BRD10: variants seen among roughly 807,000 people sequenced by gnomAD.
The protein encoded by BRD10 is uncharacterized bromodomain-containing protein 10.
At chr9:5,975,896 AAT>A in the BRD10 span, among the ~76,000 whole-genome samples, 1 of 152,200 alleles carries the variant, frequency 6.6e-6, no homozygotes, top group Non-Finnish European at 1.5e-5. Flanking sequence ...AATCAACAAT[AAT>A]ATATGAGATG....
At chr9:5,947,028 T>TAA in the BRD10 span, among the ~76,000 whole-genome samples, 3 of 152,060 alleles carry the variant, frequency 2.0e-5, no homozygotes, top group Non-Finnish European at 2.9e-5. Context: ...CATTTTGAGA[T>TAA]CTCTTAATTA....
chr9:5,907,234 A>T, the BRD10 span: 7 of 281,884 alleles, frequency 2.5e-5, no homozygotes, highest in South Asian at 2.4e-4. Context: ...GTTGTCACAT[A>T]CCCAGTGTTT....
At chr9:5,979,477 C>A in the BRD10 span, among the ~76,000 whole-genome samples, 2 of 151,518 alleles carry the variant, frequency 1.3e-5, no homozygotes, top group African/African-American at 4.8e-5. Context: ...CACATCATGC[C>A]AGCCTGGGAG....
At chr9:5,935,690 A>AT in the BRD10 span, among the ~76,000 whole-genome samples, 1 of 152,246 alleles carries the variant, frequency 6.6e-6, no homozygotes, top group Non-Finnish European at 1.5e-5. Context: ...TTTATTTGGC[A>AT]TAAGAGGGGC....
chr9:5,910,294 C>A, the BRD10 span: 1 of 152,092 alleles, frequency 6.6e-6, no homozygotes, highest in Non-Finnish European at 1.5e-5. Context: ...TCATTTTCTA[C>A]TAAAGACAAA....
the BRD10 span, chr9:5,944,981 AC>A: frequency 7.7e-7 from 1 of 1,303,434 alleles, no homozygotes; most frequent in African/African-American, 1.5e-5. Context: ...ACACAAAAAC[AC>A]AGCTTGATAA....
chr9:5,897,083 C>A, the BRD10 span, among the ~76,000 whole-genome samples: 2 of 152,196 alleles, frequency 1.3e-5, no homozygotes, highest in South Asian at 4.1e-4. Context: ...ATTGTGTCTA[C>A]CCTCCAGTGT....
At chr9:5,924,810 C>G in the BRD10 span, 1 of 1,536,822 alleles carries the variant, frequency 6.5e-7, no homozygotes, top group Non-Finnish European at 8.8e-7. Flanking sequence ...ATCAGGTTGT[C>G]TTCTGAAATC....
the BRD10 span, chr9:5,922,950 T>A: frequency 3.7e-6 from 6 of 1,613,910 alleles, no homozygotes; most frequent in Non-Finnish European, 2.5e-6. Context: ...GTCACTTTAT[T>A]CCCAATATTC....
chr9:5,988,460 T>C, the BRD10 span: 3 of 1,613,964 alleles, frequency 1.9e-6, no homozygotes, highest in Non-Finnish European at 1.7e-6. Flanking sequence ...CGACGCCTTG[T>C]TGAGGTACAT....
chr9:5,914,705 G>C, the BRD10 span, among the ~76,000 whole-genome samples: 1 of 152,022 alleles, frequency 6.6e-6, no homozygotes, highest in African/African-American at 2.4e-5. Context: ...TTACAGGTGT[G>C]AGCCACTGTG....
the BRD10 span, among the ~76,000 whole-genome samples, chr9:5,979,121 T>C: frequency 6.6e-6 from 1 of 152,330 alleles, no homozygotes; most frequent in Admixed American, 6.5e-5. Context: ...TTTACAAAAA[T>C]AATCACTGGA....
chr9:5,968,745 T>G, the BRD10 span: 1 of 1,613,892 alleles, frequency 6.2e-7, no homozygotes, highest in African/African-American at 1.3e-5. Flanking sequence ...ATGGGTGGAA[T>G]TGGAAATTCT....
chr9:5,896,722 CCT>C, the BRD10 span, among the ~76,000 whole-genome samples: 4 of 152,210 alleles, frequency 2.6e-5, no homozygotes, highest in Middle Eastern at 0.014. Context: ...AGCTCCAGGC[CCT>C]GTTTCCAGGG....
At chr9:5,895,399 T>A in the BRD10 span, among the ~76,000 whole-genome samples, 3 of 151,846 alleles carry the variant, frequency 2.0e-5, no homozygotes, top group African/African-American at 4.8e-5. Flanking sequence ...TTTTTTTTAA[T>A]TTTTTTGCAT....
chr9:5,921,718 T>G, the BRD10 span: 2 of 1,613,950 alleles, frequency 1.2e-6, no homozygotes, highest in South Asian at 2.2e-5. Context: ...CATTGTTTTG[T>G]CCAAAATTTG....
the BRD10 span, among the ~76,000 whole-genome samples, chr9:5,965,326 A>C: frequency 6.6e-6 from 1 of 152,134 alleles, no homozygotes; most frequent in Non-Finnish European, 1.5e-5. Flanking sequence ...TCAAAAAAAA[A>C]ACACTACGTT....
chr9:5,907,412 T>C, the BRD10 span, among the ~76,000 whole-genome samples: 2 of 152,218 alleles, frequency 1.3e-5, no homozygotes, highest in African/African-American at 4.8e-5. Context: ...CTGTGCTGTC[T>C]GATGGCTTAG....
At chr9:5,920,894 G>A in the BRD10 span, 226 of 1,613,824 alleles carry the variant, frequency 1.4e-4, no homozygotes, top group Non-Finnish European at 1.7e-4. Flanking sequence ...GAGACTTGAT[G>A]AGCAAAGTCT....
Sources: allele counts gnomAD v4.1 joint callset (sites outside exome capture counted in the v4.1 genomes callset), GRCh38; gene constraint gnomAD v4.1.1; transcripts MANE v1.5; gene names NCBI Gene and HGNC (gene_info 2026-07-23, HGNC 2026-07-21).